DNAH6: variants seen among roughly 807,000 people sequenced by gnomAD.
DNAH6 encodes axonemal beta dynein heavy chain 6.
Under a neutral mutation model 491.4 loss-of-function variants are expected in DNAH6, and 340 were observed. The observed-to-expected ratio is 0.69, with a 90% CI of 0.63 to 0.76. DNAH6 has a LOEUF of 0.76. Among genes scored for constraint, DNAH6 ranks in the 30% least tolerant of loss-of-function variants. The pLI is 0.00. For synonymous variants in DNAH6, 1,603 were observed against 1,686.1 expected (o/e 0.95, Z 1.21); for missense variants, 4,443 against 4,972.2 (o/e 0.89, Z 3.20).
chr2:84,489,121 G>C, the DNAH6 span, among the ~76,000 whole-genome samples: 24 of 152,218 alleles, frequency 1.6e-4, no homozygotes, highest in African/African-American at 5.8e-4. Flanking sequence ...ATATGTAAGA[G>C]TTTCTTTTTT....
chr2:84,722,442 G>T (rs747254854), intron 59 of DNAH6, among the ~76,000 whole-genome samples, 183 bp from the exon 60 acceptor site: 7 of 152,158 alleles, frequency 4.6e-5, no homozygotes, highest in Non-Finnish European at 7.3e-5. Context: ...AAGGAAGAAA[G>T]GTCAGCTTAT....
In DNAH6 at chr2:84,528,186, C is replaced by T. The variant is rs906918454; in HGVS notation, c.400-718C>T. 3.3e-5 allele frequency among the ~76,000 whole-genome samples: 5 copies of T among 152,260 alleles called. No individual in the cohort carries two copies. The East Asian group carries it at 9.7e-4, about 29-fold the overall frequency. On this transcript the variant is annotated intron_variant, in intron 3 of 76. Transcript: ENST00000389394. ...CATGGCACAGTGGGACTCAGCCTTG[C>T]TGCTCCAAGTGTAGTCCATGGTCAG...
At chr2:84,709,223 G>A in intron 54 of DNAH6, 120 bp from the exon 55 acceptor site, 1 of 981,998 alleles carries the variant, frequency 1.0e-6, no homozygotes, top group Non-Finnish European at 1.5e-6. Context: ...GCACATCTGT[G>A]GAGACTGGGA....
intron 38 of DNAH6, 121 bp downstream of exon 38, chr2:84,669,631 T>C: frequency 1.2e-6 from 1 of 848,190 alleles, no homozygotes; most frequent in African/African-American, 1.7e-5. Flanking sequence ...TTTAGCACTT[T>C]TGCAGGAAGA....
intron 63 of DNAH6, among the ~76,000 whole-genome samples, chr2:84,757,520 T>G (rs1479729390): frequency 6.6e-6 from 1 of 152,164 alleles, no homozygotes; most frequent in Non-Finnish European, 1.5e-5. Context: ...GGAAACACTC[T>G]CTATTCAGGC....
chr2:84,784,570 C>T (rs1002078514), intron 65 of DNAH6, among the ~76,000 whole-genome samples, 152 bp from the exon 66 acceptor site: 4 of 152,208 alleles, frequency 2.6e-5, no homozygotes, highest in African/African-American at 9.7e-5. Flanking sequence ...CATTTTGAAA[C>T]AGTTTACACT....
chr2:84,595,561 ACTT>A, intron 17 of DNAH6, 82 bp from the exon 18 acceptor site: 1 of 1,240,160 alleles, frequency 8.1e-7, no homozygotes. Flanking sequence ...ATTTGGATTA[ACTT>A]TTAAAAGTTT....
intron 12 of DNAH6, among the ~76,000 whole-genome samples, chr2:84,574,497 C>T (rs1371634626): frequency 6.6e-6 from 1 of 152,108 alleles, no homozygotes; most frequent in Non-Finnish European, 1.5e-5. Flanking sequence ...GGGATCAAGT[C>T]CAAGATCAGT....
At chr2:84,510,389 C>T in the DNAH6 span, among the ~76,000 whole-genome samples, 114 of 152,300 alleles carry the variant, frequency 7.5e-4, no homozygotes, top group African/African-American at 2.6e-3. Flanking sequence ...CTTGTGCATT[C>T]GTCACGTAGT....
At chr2:84,744,987 A>T in intron 62 of DNAH6, 93 bp from the exon 63 acceptor site, 1 of 858,646 alleles carries the variant, frequency 1.2e-6, no homozygotes, top group Non-Finnish European at 1.7e-6. Flanking sequence ...AACTGATAGT[A>T]AATATAGAGA....
chr2:84,786,254 C>G (rs1677173989), intron 67 of DNAH6, among the ~76,000 whole-genome samples: 1 of 151,890 alleles, frequency 6.6e-6, no homozygotes, highest in Admixed American at 6.6e-5. Flanking sequence ...AGCGAAACCC[C>G]ATCTCTACAA....
At chr2:84,634,307 A>G (rs1688667439) in intron 29 of DNAH6, among the ~76,000 whole-genome samples, 197 bp from the exon 30 acceptor site, 1 of 152,224 alleles carries the variant, frequency 6.6e-6, no homozygotes, top group South Asian at 2.1e-4. Flanking sequence ...AACAGATTCA[A>G]ATCACTTAGA....
intron 18 of DNAH6, among the ~76,000 whole-genome samples, chr2:84,602,895 TA>T (rs1001001178): frequency 2.0e-5 from 3 of 151,754 alleles, no homozygotes; most frequent in Admixed American, 1.3e-4. Context: ...GTGGCTGTGT[TA>T]AACCCTTTAA....
At position 84,813,243 on chromosome 2, in the gene DNAH6, T is replaced by C. The variant is rs968319797; in HGVS notation, c.11998+113T>C. On this transcript the variant is annotated intron_variant, in intron 74 of 76. Transcript: ENST00000389394. ...GCTAATGCTCTAGCAATGAGGCTATTGATCATAGGGCAATCTAACAAGGTC... is the reference window on the plus strand; with the variant it reads ...GCTAATGCTCTAGCAATGAGGCTATCGATCATAGGGCAATCTAACAAGGTC... The C allele has an allele frequency of 3.9e-6, 3 of 778,088 alleles. No homozygotes were observed. In the African/African-American group the frequency reaches 5.2e-5, roughly 13 times the overall value. The allele number at this position is 778,088 out of a possible 1,614,324, so 48.2% of individuals were successfully genotyped here.
chr2:84,685,477 A>G lies in DNAH6; in HGVS notation c.7063+5A>G, dbSNP rs901419834. The G allele has an allele frequency of 9.5e-5, 138 of 1,451,862 alleles. No individual in the cohort carries two copies. The highest frequency in any genetic ancestry group is 1.1e-4 in the Non-Finnish European group (121 of 1,091,402). 89.9% of individuals were successfully genotyped at this position (1,451,862 alleles called of 1,614,324 possible). A position where few individuals can be genotyped will look rare whatever the true frequency, so the allele number is the denominator to read the frequency against. On this transcript the variant is annotated splice_donor_5th_base_variant and intron_variant, in intron 43 of 76. Transcript: ENST00000389394. ...TTATTCTGACAGAAATGGCCAGTAA[A>G]TATGAATCTTTACCTATTCTTTTTT...
At chr2:84,808,363 G>T (rs1679640499) in intron 71 of DNAH6, 52 bp from the exon 72 acceptor site, 2 of 1,460,622 alleles carry the variant, frequency 1.4e-6, no homozygotes, top group African/African-American at 1.4e-5. Flanking sequence ...TAGCAATATT[G>T]TGAGAACAAA....
intron 33 of DNAH6, among the ~76,000 whole-genome samples, chr2:84,644,553 G>T (rs903464633): frequency 1.3e-5 from 2 of 151,982 alleles, no homozygotes; most frequent in Non-Finnish European, 2.9e-5. Context: ...ATTCAGCCCA[G>T]CATCCACTAG....
intron 30 of DNAH6, 95 bp from the exon 31 acceptor site, chr2:84,637,114 TG>T: frequency 9.4e-7 from 1 of 1,066,078 alleles, no homozygotes; most frequent in Non-Finnish European, 1.3e-6. Flanking sequence ...TTTGCTTTAG[TG>T]CTTCATTACA....
intron 61 of DNAH6, among the ~76,000 whole-genome samples, chr2:84,730,603 G>A (rs1002582218): frequency 1.3e-5 from 2 of 152,066 alleles, no homozygotes; most frequent in African/African-American, 2.4e-5. Context: ...GAAAGTTTAC[G>A]AATTTGTGTT....
Sources: gnomAD v4.1 joint callset for allele counts (sites outside exome capture counted in the v4.1 genomes callset) on GRCh38, gnomAD v4.1.1 for gene constraint, MANE v1.5 for transcripts, NCBI Gene and HGNC (gene_info 2026-07-23, HGNC 2026-07-21) for gene names.